Variants in EPB41 observed in about 807,000 individuals in gnomAD.
EPB41 encodes the protein erythrocyte membrane protein band 4.1.
Under a neutral mutation model 108.0 loss-of-function variants are expected in EPB41, and 65 were observed. That is an observed-to-expected ratio of 0.60 (90% CI 0.49 to 0.74). The LOEUF is 0.74. EPB41 is among the 30% of genes least tolerant of loss of function. The pLI is 0.00. For missense variants in EPB41, 875 were observed against 1,037.0 expected, an observed-to-expected ratio of 0.84 and a Z score of 2.15; for synonymous variants, 336 against 358.9, an observed-to-expected ratio of 0.94 and a Z score of 0.72.
rs1054255613 is a variant in EPB41 at position 28,902,521 on chromosome 1, TC to T, written c.-8+15313del. The stretch of plus-strand genomic sequence containing the variant: ...GAACTTTCCCCTTCCCAGCTCGGGG[TC>T]CATGATTTAGGGAGACCAAGACAGA... On this transcript the variant is annotated intron_variant, in intron 1 of 16. Coordinates refer to the EPB41 transcript ENST00000347529. Among the ~76,000 whole-genome samples the T allele has an allele frequency of 7.2e-5, 11 of 152,014 alleles. 1 individual carries two copies. In the Middle Eastern group the frequency reaches 0.017, roughly 235 times the overall value.
chr1:28,993,396 T>C lies in EPB41; in HGVS notation c.535T>C (p.Cys179Arg), dbSNP rs1477311995. The C allele has an allele frequency of 3.7e-6, 6 of 1,613,474 alleles. No homozygotes were observed. The highest frequency in any genetic ancestry group is 4.2e-6 in the Non-Finnish European group (5 of 1,179,982). The change falls in exon 3 of 21, where the codon TGC becomes CGC. Residue 179 changes from cysteine (C) to arginine (R), a missense_variant. Cys to Arg is a radical substitution (Grantham distance 180, BLOSUM62 -3). Transcript: ENST00000343067. ...EIKEGEGLEE[C>R]SKIEVKEESP... ...TAAGGAAGGAGAAGGACTTGAAGAG[T>C]GCTCCAAAATAGAAGTAAAAGAAGA...
chr1:29,008,284 T>C (rs2096442603), intron 4 of EPB41, among the ~76,000 whole-genome samples: 1 of 152,182 alleles, frequency 6.6e-6, no homozygotes, highest in African/African-American at 2.4e-5. Context: ...ACTCTTAATT[T>C]TTTTTCCTCT....
At chr1:28,951,210 T>C (rs1190260332) in intron 1 of EPB41, among the ~76,000 whole-genome samples, 1 of 152,174 alleles carries the variant, frequency 6.6e-6, no homozygotes, top group Non-Finnish European at 1.5e-5. Context: ...TTATGGCTTT[T>C]GGTTTTTAAT....
chr1:29,023,328 A>C (rs1291815182), intron 7 of EPB41, among the ~76,000 whole-genome samples: 2 of 151,910 alleles, frequency 1.3e-5, no homozygotes, highest in African/African-American at 4.9e-5. Flanking sequence ...TTTAATAAAC[A>C]TTTTAAATTT....
Position 29,097,850 on chromosome 1 carries a change from C to A in EPB41, c.2228C>A (p.Ala743Asp). The A allele has an allele frequency of 6.2e-7, 1 of 1,613,866 alleles. No individual in the cohort carries two copies. Among genetic ancestry groups the A allele is most frequent in the Non-Finnish European group, 8.5e-7 (1 of 1,179,788 alleles). The part of the protein sequence containing the change: ...KTQTVTISDN[A>D]NAVKSEIPTK... ...CAAACTGTCACCATCTCAGATAATG[C>A]CAATGCTGTGAAAAGTGAAATCCCA... Residue 743 changes from alanine (A) to aspartate (D), a missense_variant, in exon 17 of 21, where the codon GCC (alanine) becomes GAC (aspartate). Ala to Asp is a moderately radical substitution (Grantham distance 126). Around this residue, in one of 3 missense-constraint regions of EPB41, gnomAD observed 519 missense variants for 627.3 expected, o/e 0.83. Coordinates refer to ENST00000343067, the MANE Select transcript of EPB41 (RefSeq NM_001376013.1).
intron 1 of EPB41, among the ~76,000 whole-genome samples, chr1:28,938,136 T>A (rs2094122817): frequency 6.6e-6 from 1 of 152,230 alleles, no homozygotes. Flanking sequence ...TAAGTGTGAG[T>A]CCTCTAACTG....
At chr1:29,064,786 A>G (rs531524915) in intron 15 of EPB41, among the ~76,000 whole-genome samples, 196 bp from the exon 16 acceptor site, 1 of 152,326 alleles carries the variant, frequency 6.6e-6, no homozygotes, top group South Asian at 2.1e-4. Flanking sequence ...AGCTTCTAAG[A>G]AAAGCACTTT....
chr1:28,978,435 A>C (rs2095658895), intron 1 of EPB41, among the ~76,000 whole-genome samples: 2 of 151,594 alleles, frequency 1.3e-5, no homozygotes, highest in African/African-American at 4.9e-5. Flanking sequence ...TAGTTGCTTC[A>C]TGTTAGGCAG....
intron 1 of EPB41, among the ~76,000 whole-genome samples, chr1:28,957,998 A>T (rs991100874): frequency 6.6e-6 from 1 of 151,338 alleles, no homozygotes; most frequent in Non-Finnish European, 1.5e-5. Flanking sequence ...ATTTTTTTTT[A>T]GAAATGGAGT....
intron 1 of EPB41, among the ~76,000 whole-genome samples, chr1:28,987,084 A>G (rs1354865411): frequency 2.0e-5 from 3 of 152,164 alleles, no homozygotes; most frequent in African/African-American, 7.2e-5. Context: ...AAGGACACTA[A>G]ACCACAGTCC....
intron 1 of EPB41, among the ~76,000 whole-genome samples, chr1:28,933,698 C>T (rs1037060040): frequency 1.3e-5 from 2 of 151,926 alleles, no homozygotes; most frequent in Non-Finnish European, 1.5e-5. Context: ...AAATGCCAGT[C>T]GGGGTTTGTC....
At chr1:29,077,943 G>T (rs1020701823) in intron 16 of EPB41, among the ~76,000 whole-genome samples, 6 of 152,058 alleles carry the variant, frequency 3.9e-5, no homozygotes, top group African/African-American at 1.4e-4. Context: ...TAAGGAGAGG[G>T]TGGCTGGGTG....
At chr1:29,071,279 T>G (rs1342582303) in intron 16 of EPB41, 1 of 152,210 alleles carries the variant, frequency 6.6e-6, no homozygotes, top group African/African-American at 2.4e-5. Flanking sequence ...AAAGATTAAA[T>G]GCCATCTTTT....
chr1:29,076,915 T>A (rs1267236583), intron 16 of EPB41, among the ~76,000 whole-genome samples: 2 of 152,028 alleles, frequency 1.3e-5, no homozygotes, highest in African/African-American at 4.8e-5. Context: ...TCTAAAAAAA[T>A]TTTAAATAAA....
intron 1 of EPB41, among the ~76,000 whole-genome samples, chr1:28,961,628 C>G (rs1474248936): frequency 2.6e-5 from 4 of 152,284 alleles, no homozygotes; most frequent in African/African-American, 9.6e-5. Flanking sequence ...ACACTGATGA[C>G]CAAGTCATGT....
chr1:28,917,184 T>G (rs894143228), intron 1 of EPB41, among the ~76,000 whole-genome samples: 21 of 152,150 alleles, frequency 1.4e-4, no homozygotes, highest in African/African-American at 5.1e-4. Context: ...ATTCTCCTTA[T>G]TTTTTGTATT....
chr1:29,112,387 C>A lies in EPB41; in HGVS notation c.2435C>A (p.Ser812Ter). ...TTCCAGACTGTAAAAGGTGGGATTTCAGAGACACGTATTGAAAAGAGAATT... is the reference window on the plus strand; with the variant it reads ...TTCCAGACTGTAAAAGGTGGGATTTAAGAGACACGTATTGAAAAGAGAATT... ...QITKTVKGGI[S>*]ETRIEKRIVI... The change falls in exon 19 of 21, where the codon TCA becomes TAA. Residue 812 changes from serine (S) to a stop codon, truncating the protein, a stop_gained. Coordinates refer to ENST00000343067, the MANE Select transcript of EPB41 (RefSeq NM_001376013.1). LOFTEE classifies it high-confidence loss of function. 1 of 1,613,212 alleles carries A rather than the reference C, an allele frequency of 6.2e-7. No individual in the cohort carries two copies. The highest frequency in any genetic ancestry group is 8.5e-7 in the Non-Finnish European group (1 of 1,179,630).
chr1:28,962,934 A>G (rs544600199), intron 1 of EPB41, among the ~76,000 whole-genome samples: 1 of 152,082 alleles, frequency 6.6e-6, no homozygotes, highest in African/African-American at 2.4e-5. Flanking sequence ...ATAATAATAA[A>G]AATAAAGATA....
rs879093575 is a variant in EPB41 at position 28,982,416 on chromosome 1, C to A, written c.-7-5015C>A. ...CTTTCGCAAAAGACTTGATCTTTGA[C>A]CCCTTGGTGATCTTCTTCTTGCCCA... is the stretch of plus-strand genomic sequence containing the variant. On this transcript the variant is annotated intron_variant, in intron 1 of 20. Transcript: ENST00000343067. The A allele has an allele frequency of 3.2e-4, 240 of 748,164 alleles. 1 individual carries two copies. Among genetic ancestry groups the A allele is most frequent in the East Asian group, 2.4e-3 (95 of 39,268 alleles). The allele number at this position is 748,164 out of a possible 1,614,324, so 46.3% of individuals were successfully genotyped here. A position where few individuals can be genotyped will look rare whatever the true frequency, so the allele number is the denominator to read the frequency against.
Sources: allele counts gnomAD v4.1 joint callset (sites outside exome capture counted in the v4.1 genomes callset), GRCh38; gene constraint gnomAD v4.1.1; regional missense constraint gnomAD v4.1.1; transcripts MANE v1.5; gene names NCBI Gene and HGNC (gene_info 2026-07-23, HGNC 2026-07-21).